Variants in SRBD1 observed in about 807,000 individuals in gnomAD.
SRBD1 encodes the protein S1 RNA-binding domain-containing protein 1.
In SRBD1, 88 loss-of-function variants were observed where a neutral mutation model predicts 115.3. The ratio of observed to expected loss-of-function variants is 0.76; its 90% confidence interval spans 0.64 to 0.91. The LOEUF is 0.91. SRBD1 is among the 40% of genes least tolerant of loss of function. The probability of loss-of-function intolerance (pLI) is 0.00; values close to 1 mark genes in which losing one functional copy is unlikely to be tolerated. For synonymous variants in SRBD1, 509 were observed against 407.7 expected (o/e 1.25, Z -2.99); for missense variants, 1,385 against 1,177.4 (o/e 1.18, Z -2.58).
chr2:45,577,068 C>T (rs545173990), intron 7 of SRBD1, among the ~76,000 whole-genome samples: 62 of 152,246 alleles, frequency 4.1e-4, no homozygotes, highest in South Asian at 3.1e-3. Context: ...CACGGAGTGT[C>T]CCAGATAACT....
intron 5 of SRBD1, 46 bp from the exon 6 acceptor site, chr2:45,581,856 C>A: frequency 6.7e-7 from 1 of 1,484,606 alleles, no homozygotes; most frequent in Admixed American, 1.9e-5. Flanking sequence ...TATGTCAAAA[C>A]TTTCTTTTCA....
At chr2:45,477,112 T>C (rs1487812722) in intron 15 of SRBD1, 37 bp from the exon 16 acceptor site, 18 of 1,558,864 alleles carry the variant, frequency 1.2e-5, no homozygotes, top group Non-Finnish European at 1.5e-5. Flanking sequence ...TATGACTTAA[T>C]GTGAAAAGCA....
At chr2:45,605,301 C>A (rs1284596478) in intron 2 of SRBD1, 61 bp downstream of exon 2, 1 of 1,498,514 alleles carries the variant, frequency 6.7e-7, no homozygotes, top group African/African-American at 1.4e-5. Context: ...TGACAGAATG[C>A]ATTACTCCTT....
chr2:45,476,217 G>C (rs566270671), intron 16 of SRBD1, among the ~76,000 whole-genome samples: 1 of 152,082 alleles, frequency 6.6e-6, no homozygotes, highest in African/African-American at 2.4e-5. Context: ...AAGTACTCCA[G>C]GACACTGCCT....
Position 45,419,831 on chromosome 2 carries a change from AG to A in SRBD1, c.2112del (p.Phe705LeufsTer14), listed in dbSNP as rs745663676. On this transcript the variant is annotated frameshift_variant, in exon 17 of 21. Transcript: ENST00000263736. LOFTEE classifies it high-confidence loss of function. ...CAGATGTTAATATCCACTCCCACAA[AG>A]CTGACACATTCTTCTACAACACTGT... Reference protein sequence around the residue: ...TLDSVVEECVSFVGVDINICS... With the variant: ...TLDSVVEECVXFVGVDINICS... 1.2e-6 allele frequency: 2 copies of A among 1,613,874 alleles called. No homozygotes were observed. The highest frequency in any genetic ancestry group is 4.5e-5 in the East Asian group (2 of 44,862).
intron 14 of SRBD1, among the ~76,000 whole-genome samples, chr2:45,490,285 G>A (rs944930691): frequency 6.6e-6 from 1 of 152,120 alleles, no homozygotes; most frequent in African/African-American, 2.4e-5. Context: ...CTATTGGGCA[G>A]GAAGAGGCAG....
At chr2:45,565,358 C>T (rs1374860960) in intron 9 of SRBD1, among the ~76,000 whole-genome samples, 1 of 152,014 alleles carries the variant, frequency 6.6e-6, no homozygotes, top group Non-Finnish European at 1.5e-5. Context: ...AACAAGGGTA[C>T]CAAGATAATT....
At position 45,412,970 on chromosome 2, in the gene SRBD1, T is replaced by C. The variant is rs913890759; in HGVS notation, c.2513+144A>G. On this transcript the variant is annotated intron_variant, in intron 19 of 20. Coordinates refer to ENST00000263736, the MANE Select transcript of SRBD1 (RefSeq NM_018079.5). ...CAGTGAAATGAAATAATGTGCCACA[T>C]AACTCAGCAATGCAGAACTTCTGAA... 3.9e-5 allele frequency: 34 copies of C among 865,746 alleles called. No homozygotes were observed. In the African/African-American group the frequency reaches 4.1e-4, roughly 10 times the overall value. 53.6% of individuals were successfully genotyped at this position (865,746 alleles called of 1,614,324 possible). A position where few individuals can be genotyped will look rare whatever the true frequency, so the allele number is the denominator to read the frequency against.
intron 19 of SRBD1, among the ~76,000 whole-genome samples, chr2:45,396,947 C>T (rs1667162363): frequency 6.6e-6 from 1 of 152,118 alleles, no homozygotes; most frequent in Non-Finnish European, 1.5e-5. Flanking sequence ...ATATGATTTA[C>T]AACTCCACCA....
In SRBD1 at chr2:45,474,374, G is replaced by A. The variant is rs147294326; in HGVS notation, c.2049+2619C>T. ...TTTCTGTTTACTATTCCCCACCTCC[G>A]GTGATAATGTGGGAAATGTGGGACA... On this transcript the variant is annotated intron_variant, in intron 16 of 20. Transcript: ENST00000263736. Among the ~76,000 whole-genome samples, 61 of 152,278 alleles carry A rather than the reference G, an allele frequency of 4.0e-4. No individual in the cohort carries two copies. In the East Asian group the frequency reaches 0.011, roughly 27 times the overall value.
intron 16 of SRBD1, among the ~76,000 whole-genome samples, chr2:45,475,423 C>T (rs550259562): frequency 2.2e-4 from 33 of 152,284 alleles, no homozygotes; most frequent in African/African-American, 7.5e-4. Context: ...GTGCCACCCC[C>T]CCTTGCTTAA....
At chr2:45,399,312 A>G (rs968396188) in intron 19 of SRBD1, among the ~76,000 whole-genome samples, 1 of 152,192 alleles carries the variant, frequency 6.6e-6, no homozygotes, top group Non-Finnish European at 1.5e-5. Context: ...TATGAAAGAT[A>G]ATAGAGCCTT....
At position 45,571,517 on chromosome 2, in the gene SRBD1, C is replaced by CAAA. The variant is rs58100763; in HGVS notation, c.1305+1687_1305+1689dup. Among the ~76,000 whole-genome samples, 23 of 39,396 alleles carry CAAA rather than the reference C, an allele frequency of 5.8e-4. 1 individual carries two copies. Among genetic ancestry groups the CAAA allele is most frequent in the African/African-American group, 9.0e-4 (10 of 11,162 alleles). 25.8% of individuals were successfully genotyped at this position (39,396 alleles called of 152,430 possible). A position where few individuals can be genotyped will look rare whatever the true frequency, so the allele number is the denominator to read the frequency against. The stretch of plus-strand genomic sequence containing the variant: ...AAAATACAACATATCCAGACTTTAC[C>CAAA]AAAAAAAAAAAAAAAAAAAAAAAAA... On this transcript the variant is annotated intron_variant, in intron 9 of 20. Transcript: ENST00000263736.
rs565482925 is a variant in SRBD1 at position 45,532,777 on chromosome 2, A to G, written c.1874+13955T>C. Among the ~76,000 whole-genome samples, 129 of 152,092 alleles carry G rather than the reference A, an allele frequency of 8.5e-4. 1 individual carries two copies. Among genetic ancestry groups the G allele is most frequent in the South Asian group, 3.5e-3 (17 of 4,834 alleles). On this transcript the variant is annotated intron_variant, in intron 14 of 20. Transcript: ENST00000263736. Reference sequence around the variant, plus strand: ...ATACAAAGATTTAGCCACATAAAATACACAGAATCAAAAGGTTTACCGACC... The same window carrying G: ...ATACAAAGATTTAGCCACATAAAATGCACAGAATCAAAAGGTTTACCGACC...
chr2:45,399,100 G>A (rs1387976504), intron 19 of SRBD1, among the ~76,000 whole-genome samples: 1 of 151,682 alleles, frequency 6.6e-6, no homozygotes, highest in African/African-American at 2.4e-5. Context: ...CAACAACCCA[G>A]TATTATGCAG....
chr2:45,444,305 T>C (rs1048617891), intron 16 of SRBD1, among the ~76,000 whole-genome samples: 10 of 152,142 alleles, frequency 6.6e-5, no homozygotes, highest in Non-Finnish European at 1.3e-4. Flanking sequence ...CTCAGGAGAC[T>C]GAGGTGGGAG....
At chr2:45,522,561 T>C (rs1185882136) in intron 14 of SRBD1, among the ~76,000 whole-genome samples, 6 of 152,202 alleles carry the variant, frequency 3.9e-5, no homozygotes, top group Non-Finnish European at 8.8e-5. Flanking sequence ...CTGTTAAGTA[T>C]ATAATGCAAA....
chr2:45,551,352 TCATTTTGTA>T, intron 11 of SRBD1, 70 bp from the exon 12 acceptor site: 1 of 1,417,534 alleles, frequency 7.1e-7, no homozygotes, highest in African/African-American at 1.5e-5. Context: ...GGAGCAGAAT[TCATTTTGTA>T]CAATTATTTC....
At chr2:45,428,632 A>G (rs1395633040) in intron 16 of SRBD1, among the ~76,000 whole-genome samples, 1 of 152,172 alleles carries the variant, frequency 6.6e-6, no homozygotes, top group Non-Finnish European at 1.5e-5. Context: ...ACAAAGACAC[A>G]ATGTACCAGA....
Sources: allele counts gnomAD v4.1 joint callset (sites outside exome capture counted in the v4.1 genomes callset), GRCh38; gene constraint gnomAD v4.1.1; transcripts MANE v1.5; gene names NCBI Gene and HGNC (gene_info 2026-07-23, HGNC 2026-07-21).